The following CD163L1 variants were observed in gnomAD, a reference collection of about 807,000 sequenced individuals.
CD163L1 encodes CD163 molecule like 1.
In CD163L1, 124 loss-of-function variants were observed where a neutral mutation model predicts 165.4. The observed-to-expected ratio is 0.75, with a 90% confidence interval of 0.65 to 0.87. The LOEUF is 0.87. Among genes scored for constraint, CD163L1 ranks in the 40% least tolerant of loss-of-function variants. CD163L1 has a pLI of 0.00. For synonymous variants in CD163L1, 585 were observed against 662.2 expected (o/e 0.88, Z 1.79); for missense variants, 1,525 against 1,799.9 (o/e 0.85, Z 2.76).
intron 8 of CD163L1, among the ~76,000 whole-genome samples, chr12:7,387,335 C>T (rs964391040): frequency 2.0e-5 from 3 of 152,236 alleles, no homozygotes; most frequent in Non-Finnish European, 4.4e-5. Flanking sequence ...AAGGAAGACA[C>T]AAACAAATGA....
At chr12:7,366,155 C>T (rs1947014944) in intron 18 of CD163L1, among the ~76,000 whole-genome samples, 1 of 151,998 alleles carries the variant, frequency 6.6e-6, no homozygotes. Flanking sequence ...CACAGAAAGA[C>T]AAATATCCAT....
intron 4 of CD163L1, among the ~76,000 whole-genome samples, chr12:7,407,654 CACACACACATATATATAT>C (rs1565801043): frequency 1.3e-5 from 2 of 151,484 alleles, no homozygotes; most frequent in Non-Finnish European, 2.9e-5. Context: ...TATATATACA[CACACACACATATATATAT>C]ACACACACAT....
At chr12:7,409,070 T>G (rs1013716753) in intron 4 of CD163L1, among the ~76,000 whole-genome samples, 4 of 152,224 alleles carry the variant, frequency 2.6e-5, no homozygotes, top group Admixed American at 6.5e-5. Context: ...TTTATAAACC[T>G]ACAGATGGAA....
In CD163L1 at chr12:7,374,509, C is replaced by T. The variant is rs1281804489; in HGVS notation, c.3342G>A (p.Gln1114=). 1 of 1,614,202 alleles carries T rather than the reference C, an allele frequency of 6.2e-7. No homozygotes were observed. The highest frequency in any genetic ancestry group is 1.1e-5 in the South Asian group (1 of 91,082). Residue 1114 remains glutamine, a synonymous_variant, in exon 13 of 20, where the codon CAG becomes CAA. Transcript: ENST00000313599. The surrounding 1 kb of genome is among the most constrained non-coding windows in gnomAD (Gnocchi z 5.4). ...NCTGMESHLW[Q]CPSRGWGQHD... is the part of the protein sequence containing the mutation. ...GCTGCCCCCAGCCGCGGGAAGGGCA[C>T]TGCCACAAGTGGGACTCCATTCCTG...
chr12:7,367,122 T>C, intron 18 of CD163L1, 114 bp downstream of exon 18: 1 of 503,950 alleles, frequency 2.0e-6, no homozygotes, highest in Non-Finnish European at 3.5e-6. Flanking sequence ...CTTTCGCGTA[T>C]TTTGTATAAG....
At chr12:7,320,687 G>T in the CD163L1 span, 1 of 1,549,520 alleles carries the variant, frequency 6.5e-7, no homozygotes, top group South Asian at 1.1e-5. Flanking sequence ...GCCTTTGAAT[G>T]ACCACTTCTG....
At chr12:7,419,470 C>T (rs1294204191) in intron 4 of CD163L1, among the ~76,000 whole-genome samples, 1 of 151,658 alleles carries the variant, frequency 6.6e-6, no homozygotes, top group African/African-American at 2.4e-5. Context: ...CCCACTTTCA[C>T]CACTTCTATT....
intron 8 of CD163L1, among the ~76,000 whole-genome samples, chr12:7,387,720 A>G (rs962907996): frequency 6.6e-6 from 1 of 152,200 alleles, no homozygotes; most frequent in Non-Finnish European, 1.5e-5. Context: ...TCAGACTGTG[A>G]GCCAAATAAA....
downstream of CD163L1, among the ~76,000 whole-genome samples, chr12:7,343,447 A>G (rs1355882367): frequency 6.6e-6 from 1 of 152,222 alleles, no homozygotes; most frequent in Non-Finnish European, 1.5e-5. Context: ...ATGGTTCTGC[A>G]GGATGTACAG....
At chr12:7,386,044 A>G (rs1947508686) in intron 8 of CD163L1, among the ~76,000 whole-genome samples, 1 of 152,092 alleles carries the variant, frequency 6.6e-6, no homozygotes, top group Non-Finnish European at 1.5e-5. Context: ...CAGTACAATC[A>G]ATGAAACAAA....
intron 17 of CD163L1, among the ~76,000 whole-genome samples, chr12:7,367,779 T>C (rs761453738): frequency 6.6e-6 from 1 of 152,350 alleles, no homozygotes; most frequent in African/African-American, 2.4e-5. Flanking sequence ...CTATTGGCTA[T>C]TTCTGCAGTC....
At chr12:7,404,742 T>C (rs907196224) in intron 5 of CD163L1, among the ~76,000 whole-genome samples, 1 of 152,148 alleles carries the variant, frequency 6.6e-6, no homozygotes, top group African/African-American at 2.4e-5. Context: ...GATTTGGAGG[T>C]TTATTTTCCT....
intron 8 of CD163L1, among the ~76,000 whole-genome samples, chr12:7,382,589 T>A (rs1044940091): frequency 6.6e-6 from 1 of 152,110 alleles, no homozygotes; most frequent in Non-Finnish European, 1.5e-5. Context: ...GCCCTTGCAA[T>A]CCTAGCCATG....
intron 3 of CD163L1, among the ~76,000 whole-genome samples, chr12:7,433,093 C>T (rs1948656697): frequency 6.6e-6 from 1 of 152,136 alleles, no homozygotes; most frequent in South Asian, 2.1e-4. Flanking sequence ...TCTTTCTAAA[C>T]TCAATTATAG....
At chr12:7,354,486 GA>G (rs1196508815), downstream of CD163L1, among the ~76,000 whole-genome samples, 1 of 152,102 alleles carries the variant, frequency 6.6e-6, no homozygotes, top group Non-Finnish European at 1.5e-5. Context: ...ACACTAATTT[GA>G]ACTACAAGAA....
Position 7,347,561 on chromosome 12 carries a change from C to G in CD163L1, c.*25-414G>C, listed in dbSNP as rs775958148. ...TTGGGAGGCCGAGGCAGGTGGATCACGAGGTCAGGAGATCGAGACCACGTT... is the reference window on the plus strand; with the variant it reads ...TTGGGAGGCCGAGGCAGGTGGATCAGGAGGTCAGGAGATCGAGACCACGTT... On this transcript the variant is annotated intron_variant, in intron 4 of 4. Coordinates refer to the CD163L1 transcript ENST00000539726. The surrounding 1 kb of genome is among the most constrained non-coding windows in gnomAD (Gnocchi z 4.2). Among the ~76,000 whole-genome samples the G allele has an allele frequency of 6.6e-6, 1 of 151,982 alleles. No individual in the cohort carries two copies. Among genetic ancestry groups the G allele is most frequent in the Admixed American group, 6.6e-5 (1 of 15,256 alleles).
intron 2 of CD163L1, among the ~76,000 whole-genome samples, chr12:7,436,965 G>A (rs943539277): frequency 6.7e-6 from 1 of 150,372 alleles, no homozygotes; most frequent in Non-Finnish European, 1.5e-5. Flanking sequence ...AGTGATATGT[G>A]ATAAAATAAA....
chr12:7,356,861 C>T (rs77760868), intron 19 of CD163L1, among the ~76,000 whole-genome samples: 1 of 152,048 alleles, frequency 6.6e-6, no homozygotes, highest in Non-Finnish European at 1.5e-5. Flanking sequence ...TTTTTCTAAA[C>T]CTTTAGAGAA....
At chr12:7,320,424 G>A in the CD163L1 span, among the ~76,000 whole-genome samples, 11 of 152,158 alleles carry the variant, frequency 7.2e-5, no homozygotes, top group Non-Finnish European at 1.5e-4. Flanking sequence ...TTGTAGCCCT[G>A]AGGAAGAATA....
Sources: gnomAD v4.1 joint callset for allele counts (sites outside exome capture counted in the v4.1 genomes callset) on GRCh38, gnomAD v4.1.1 for gene constraint, Gnocchi (gnomAD v3.1) non-coding constraint, MANE v1.5 for transcripts, NCBI Gene and HGNC (gene_info 2026-07-23, HGNC 2026-07-21) for gene names.